Variants in OR2T6 observed in about 807,000 individuals in gnomAD.
OR2T6 encodes the protein olfactory receptor 2T6.
For missense variants in OR2T6, 424 were observed against 391.6 expected, an observed-to-expected ratio of 1.08 and a Z score of -0.70; for synonymous variants, 174 against 148.0, an observed-to-expected ratio of 1.18 and a Z score of -1.27.
In OR2T6 at chr1:248,387,792, C is replaced by T. The variant is rs766166278; in HGVS notation, c.184C>T (p.Leu62Phe). 3 of 1,610,938 alleles carry T rather than the reference C, an allele frequency of 1.9e-6. No homozygotes were observed. Among genetic ancestry groups the T allele is most frequent in the Non-Finnish European group, 2.5e-6 (3 of 1,177,456 alleles). The stretch of plus-strand genomic sequence containing the variant: ...TCATCTCCACACCCCCATGTACTTC[C>T]TCCTCAGCCACCTCTCCGTCATTGA... ...DPHLHTPMYF[L>F]LSHLSVIDTL... Residue 62 changes from leucine to phenylalanine, a missense_variant, in exon 3 of 3, where the codon CTC (leucine) becomes TTC (phenylalanine). Transcript: ENST00000641644.
chr1:248,381,298 T>A (rs1048805264), intron 1 of OR2T6, among the ~76,000 whole-genome samples: 1 of 146,862 alleles, frequency 6.8e-6, no homozygotes, highest in Non-Finnish European at 1.5e-5. Context: ...AAAAAAAATG[T>A]ATTTTTTTTT....
At chr1:248,381,529 C>T (rs1276230863) in intron 1 of OR2T6, among the ~76,000 whole-genome samples, 1 of 152,000 alleles carries the variant, frequency 6.6e-6, no homozygotes, top group Non-Finnish European at 1.5e-5. Context: ...CTTAATTTTA[C>T]ATTCTATTTA....
At position 248,388,172 on chromosome 1, in the gene OR2T6, C is replaced by T; in HGVS notation, c.564C>T (p.Ala188=). The T allele has an allele frequency of 6.2e-7, 1 of 1,613,916 alleles. No individual in the cohort carries two copies. The highest frequency in any genetic ancestry group is 2.2e-5 in the East Asian group (1 of 44,800). ...AGGCACCCACCATGCTGAGGCTGGC[C>T]TGTGGGGACAAAACCACCTATGAAA... ...FCEAPTMLRL[A]CGDKTTYETV... Residue 188 remains alanine (A), a synonymous_variant, in exon 3 of 3, where the codon GCC becomes GCT. Transcript: ENST00000641644.
In OR2T6 at chr1:248,388,469, T is replaced by C. The variant is rs751785557; in HGVS notation, c.861T>C (p.Pro287=). Reference sequence around the variant, plus strand: ...CCATCCTCACACCCTTATTAAACCCTCTCATCTACAGTCTGAGGAACAGGG... The same window carrying C: ...CCATCCTCACACCCTTATTAAACCCCCTCATCTACAGTCTGAGGAACAGGG... ...FYTILTPLLN[P]LIYSLRNRDV... The change falls in exon 3 of 3, where the codon CCT becomes CCC. Residue 287 remains proline (P), a synonymous_variant. Transcript: ENST00000641644. 6.2e-7 allele frequency: 1 copy of C among 1,608,250 alleles called. No homozygotes were observed. Among genetic ancestry groups the C allele is most frequent in the Non-Finnish European group, 8.5e-7 (1 of 1,177,036 alleles).
rs1048202687 is a variant in OR2T6, at chr1:248,391,541, T to C, written c.*3006T>C. 3 of 152,138 alleles carry C rather than the reference T, an allele frequency of 2.0e-5. No individual in the cohort carries two copies. The highest frequency in any genetic ancestry group is 4.4e-5 in the Non-Finnish European group (3 of 68,016). The allele number at this position is 152,138 out of a possible 1,614,324, so 9.4% of individuals were successfully genotyped here. ...ATATGACACAGTAATTAATGTTACA[T>C]AAGATTATGCTACATGGTACTATGT... On this transcript the variant is annotated 3_prime_UTR_variant, in exon 3 of 3. Transcript: ENST00000641644.
intron 1 of OR2T6, among the ~76,000 whole-genome samples, chr1:248,379,682 A>G (rs1249976807): frequency 6.6e-6 from 1 of 151,990 alleles, no homozygotes; most frequent in Non-Finnish European, 1.5e-5. Context: ...TGAAGGCTAT[A>G]TATATTTATA....
chr1:248,378,142 T>C (rs1283750488), intron 1 of OR2T6, among the ~76,000 whole-genome samples: 2 of 152,188 alleles, frequency 1.3e-5, no homozygotes, highest in Non-Finnish European at 2.9e-5. Flanking sequence ...TTCCTCAGAA[T>C]AAACTGATGA....
intron 1 of OR2T6, among the ~76,000 whole-genome samples, chr1:248,384,474 G>A (rs1157590424): frequency 1.1e-4 from 6 of 53,694 alleles, no homozygotes; most frequent in African/African-American, 5.5e-4. Flanking sequence ...TAATGTTATT[G>A]TCATGGGTAA....
chr1:248,389,703 A>C lies in OR2T6; in HGVS notation c.*1168A>C, dbSNP rs1661215649. The stretch of plus-strand genomic sequence containing the variant: ...TCAGCGTTGTGGGCACACAGACTCA[A>C]GCCACTCCACAAGTCAGTCAATATT... On this transcript the variant is annotated 3_prime_UTR_variant, in exon 3 of 3. Coordinates refer to ENST00000641644, the MANE Select transcript of OR2T6 (RefSeq NM_001005471.2). 1 of 152,254 alleles carries C rather than the reference A, an allele frequency of 6.6e-6. No individual in the cohort carries two copies. The highest frequency in any genetic ancestry group is 1.5e-5 in the Non-Finnish European group (1 of 68,050). 9.4% of individuals were successfully genotyped at this position (152,254 alleles called of 1,614,324 possible).
intron 1 of OR2T6, among the ~76,000 whole-genome samples, chr1:248,382,425 C>T (rs1661049631): frequency 6.6e-6 from 1 of 151,882 alleles, no homozygotes; most frequent in African/African-American, 2.4e-5. Context: ...TTTTCCTTTT[C>T]AATTTTTATT....
rs371285735 is a variant in OR2T6 at position 248,388,217 on chromosome 1, C to G, written c.609C>G (p.Cys203Trp). The G allele has an allele frequency of 6.8e-6, 11 of 1,613,764 alleles. No individual in the cohort carries two copies. Among genetic ancestry groups the G allele is most frequent in the Non-Finnish European group, 7.6e-6 (9 of 1,179,988 alleles). Residue 203 changes from cysteine to tryptophan, a missense_variant, in exon 3 of 3, where the codon TGC (cysteine) becomes TGG (tryptophan). Coordinates refer to ENST00000641644, the MANE Select transcript of OR2T6 (RefSeq NM_001005471.2). ...ATGAAACAGTGATGTATGTGTGCTG[C>G]GTTGCAATGCTGCTGATCCCCTTCT... ...TTYETVMYVCCVAMLLIPFSV... is the reference protein window; with the variant it reads ...TTYETVMYVCWVAMLLIPFSV...
Position 248,391,280 on chromosome 1 carries a change from G to C in OR2T6, c.*2745G>C, listed in dbSNP as rs1661245550. 6.6e-6 allele frequency: 1 copy of C among 152,100 alleles called. No individual in the cohort carries two copies. Among genetic ancestry groups the C allele is most frequent in the African/African-American group, 2.4e-5 (1 of 41,404 alleles). 9.4% of individuals were successfully genotyped at this position (152,100 alleles called of 1,614,324 possible). A position where few individuals can be genotyped will look rare whatever the true frequency, so the allele number is the denominator to read the frequency against. Reference sequence around the variant, plus strand: ...TGCATACAGTGGAATATTATTTAGTGTTAAAAATAAATGATTTATCAAGCC... The same window carrying C: ...TGCATACAGTGGAATATTATTTAGTCTTAAAAATAAATGATTTATCAAGCC... On this transcript the variant is annotated 3_prime_UTR_variant, in exon 3 of 3. Transcript: ENST00000641644.
At chr1:248,383,365 G>A (rs1661076155) in intron 1 of OR2T6, among the ~76,000 whole-genome samples, 1 of 81,922 alleles carries the variant, frequency 1.2e-5, no homozygotes, top group Non-Finnish European at 2.3e-5. Flanking sequence ...ATCCTATCCT[G>A]ATGTGTTTCC....
At chr1:248,385,023 C>T (rs968162728) in intron 2 of OR2T6, among the ~76,000 whole-genome samples, 159 bp downstream of exon 2, 1 of 152,234 alleles carries the variant, frequency 6.6e-6, no homozygotes, top group Non-Finnish European at 1.5e-5. Flanking sequence ...GCTGAGAACA[C>T]TCCTTCAAGA....
chr1:248,376,776 T>C (rs1463276188), intron 1 of OR2T6, among the ~76,000 whole-genome samples: 1 of 152,164 alleles, frequency 6.6e-6, no homozygotes, highest in African/African-American at 2.4e-5. Flanking sequence ...ACCTAGCATA[T>C]ACCCAATAGT....
At chr1:248,383,220 T>C (rs1224037271) in intron 1 of OR2T6, among the ~76,000 whole-genome samples, 4 of 67,452 alleles carry the variant, frequency 5.9e-5, no homozygotes, top group Non-Finnish European at 1.0e-4. Flanking sequence ...AGTGTGTTCA[T>C]CCTATCCTGA....
chr1:248,379,314 C>T (rs544654795), intron 1 of OR2T6, among the ~76,000 whole-genome samples: 1 of 152,230 alleles, frequency 6.6e-6, no homozygotes, highest in East Asian at 1.9e-4. Flanking sequence ...TATAAGTGAC[C>T]TGAGACCTGG....
At chr1:248,383,681 G>C (rs111997820) in intron 1 of OR2T6, among the ~76,000 whole-genome samples, 15 of 61,152 alleles carry the variant, frequency 2.5e-4, no homozygotes, top group African/African-American at 1.1e-3. Flanking sequence ...CACTGCACTA[G>C]CCTGAGTGTG....
chr1:248,379,913 G>A (rs1253204285), intron 1 of OR2T6, among the ~76,000 whole-genome samples: 4 of 151,830 alleles, frequency 2.6e-5, no homozygotes, highest in Non-Finnish European at 5.9e-5. Flanking sequence ...TGTGCACAAC[G>A]TGCAGGTTTA....
Sources: gnomAD v4.1 joint callset for allele counts (sites outside exome capture counted in the v4.1 genomes callset) on GRCh38, gnomAD v4.1.1 for gene constraint, MANE v1.5 for transcripts, NCBI Gene and HGNC (gene_info 2026-07-23, HGNC 2026-07-21) for gene names.